DPP4: variants seen among roughly 807,000 people sequenced by gnomAD.
DPP4 encodes ADCP-2.
DPP4 carries 93 observed loss-of-function variants against 122.4 expected under a neutral mutation model. That is an observed-to-expected ratio of 0.76 (90% CI 0.64 to 0.90). The LOEUF is 0.90. Ranked by LOEUF, DPP4 falls within the 40% of genes least tolerant of loss-of-function variation. The pLI, the probability that DPP4 is intolerant of heterozygous loss-of-function variation, is 0.00. For missense variants in DPP4, 914 were observed against 907.3 expected, an observed-to-expected ratio of 1.01 and a Z score of -0.09; for synonymous variants, 321 against 302.9, an observed-to-expected ratio of 1.06 and a Z score of -0.62.
chr2:162,016,922 T>C (rs1682947133), intron 17 of DPP4, 56 bp from the exon 18 acceptor site: 2 of 1,532,136 alleles, frequency 1.3e-6, no homozygotes, highest in East Asian at 4.5e-5. Context: ...ATGTGGATTA[T>C]GTAGTGCAAT....
Position 162,035,181 on chromosome 2 carries a change from G to C in DPP4, c.757C>G (p.Arg253Gly). The change falls in exon 9 of 26, where the codon CGG becomes GGG. Residue 253 changes from arginine to glycine, a missense_variant. Transcript: ENST00000360534. ...DESLQYPKTV[R>G]VPYPKAGAVN... ...GCACAGACCTTTGGATATGGAACCC[G>C]TACAGTCTTTGGGTACTGCAGTGAC... is the stretch of plus-strand genomic sequence containing the variant. The C allele has an allele frequency of 6.2e-7, 1 of 1,613,534 alleles. No homozygotes were observed. The highest frequency in any genetic ancestry group is 1.1e-5 in the South Asian group (1 of 90,994).
Position 162,021,258 on chromosome 2 carries a change from GTTA to G in DPP4, c.1069-573_1069-571del, listed in dbSNP as rs556292894. Reference sequence around the variant, plus strand: ...TATTTCATATGAAAACATTCATATAGTTATTATTATAAGCCTTTTCATTTTGTT... The same window carrying G: ...TATTTCATATGAAAACATTCATATAGTTATTATAAGCCTTTTCATTTTGTT... On this transcript the variant is annotated intron_variant, in intron 12 of 25. Transcript: ENST00000360534. Among the ~76,000 whole-genome samples, 59 of 152,184 alleles carry G rather than the reference GTTA, an allele frequency of 3.9e-4. No individual in the cohort carries two copies. In the South Asian group the frequency reaches 4.6e-3, roughly 12 times the overall value.
Position 162,014,323 on chromosome 2 carries a change from T to C in DPP4, c.1637+73A>G. The C allele has an allele frequency of 3.1e-6, 4 of 1,282,806 alleles. No individual in the cohort carries two copies. In the East Asian group the frequency reaches 9.6e-5, roughly 31 times the overall value. The allele number at this position is 1,282,806 out of a possible 1,614,324, so 79.5% of individuals were successfully genotyped here. A position where few individuals can be genotyped will look rare whatever the true frequency, so the allele number is the denominator to read the frequency against. On this transcript the variant is annotated intron_variant, in intron 19 of 25. Coordinates refer to ENST00000360534, the MANE Select transcript of DPP4 (RefSeq NM_001935.4). The stretch of plus-strand genomic sequence containing the variant: ...GGAAAGGACGCATTTGGCTCCATTT[T>C]TCAGTAAGCTGCACTGAGAAAAATA...
intron 20 of DPP4, among the ~76,000 whole-genome samples, chr2:162,011,099 C>A (rs1682687621): frequency 6.6e-6 from 1 of 152,120 alleles, no homozygotes; most frequent in South Asian, 2.1e-4. Context: ...ACACCCACCT[C>A]TCGGGGCTTC....
chr2:162,034,490 G>GA (rs1303041978), intron 9 of DPP4, among the ~76,000 whole-genome samples: 2 of 151,890 alleles, frequency 1.3e-5, no homozygotes, highest in Non-Finnish European at 2.9e-5. Context: ...ATTTCTTACA[G>GA]AAAAAACACT....
intron 2 of DPP4, among the ~76,000 whole-genome samples, chr2:162,072,838 C>T (rs955130549): frequency 6.6e-6 from 1 of 152,162 alleles, no homozygotes; most frequent in Non-Finnish European, 1.5e-5. Flanking sequence ...TTTAGCTCTG[C>T]AATACTGCTA....
At chr2:162,049,329 G>T (rs1684299817) in intron 2 of DPP4, among the ~76,000 whole-genome samples, 1 of 152,166 alleles carries the variant, frequency 6.6e-6, no homozygotes, top group African/African-American at 2.4e-5. Context: ...CCTTTGCAGG[G>T]ACATGAATGA....
intron 10 of DPP4, among the ~76,000 whole-genome samples, chr2:162,033,229 A>G (rs1226895693): frequency 6.6e-6 from 1 of 151,992 alleles, no homozygotes; most frequent in African/African-American, 2.4e-5. Flanking sequence ...TCTTCACCAC[A>G]TTTATTGCTA....
At chr2:161,995,720 AT>A (rs1700984076) in intron 23 of DPP4, among the ~76,000 whole-genome samples, 1 of 152,216 alleles carries the variant, frequency 6.6e-6, no homozygotes, top group African/African-American at 2.4e-5. Flanking sequence ...TGTATGTTCC[AT>A]GGGCTTCTGC....
At chr2:162,059,039 A>C (rs1684669749) in intron 2 of DPP4, among the ~76,000 whole-genome samples, 1 of 152,252 alleles carries the variant, frequency 6.6e-6, no homozygotes, top group Non-Finnish European at 1.5e-5. Flanking sequence ...TGTATGTCTC[A>C]GTATTCAAGT....
At chr2:162,061,100 C>T (rs1559726208) in intron 2 of DPP4, among the ~76,000 whole-genome samples, 1 of 150,868 alleles carries the variant, frequency 6.6e-6, no homozygotes, top group South Asian at 2.1e-4. Flanking sequence ...TGCAATGGCA[C>T]TATCATGGCT....
chr2:162,047,062 A>G, intron 3 of DPP4, 56 bp from the exon 4 acceptor site: 1 of 965,966 alleles, frequency 1.0e-6, no homozygotes, highest in South Asian at 1.5e-5. Context: ...ACATCTTCAT[A>G]AGCTGAAAAT....
intron 2 of DPP4, among the ~76,000 whole-genome samples, chr2:162,050,960 C>A (rs1684362452): frequency 6.6e-6 from 1 of 152,180 alleles, no homozygotes; most frequent in Non-Finnish European, 1.5e-5. Context: ...GGGACATGTT[C>A]ATTTGACTTA....
chr2:162,060,117 C>A (rs984528210), intron 2 of DPP4, among the ~76,000 whole-genome samples: 1 of 152,188 alleles, frequency 6.6e-6, no homozygotes, highest in South Asian at 2.1e-4. Context: ...CTCTTCTAAA[C>A]CTCTCTAAAT....
Position 162,047,004 on chromosome 2 carries a change from G to T in DPP4, c.196C>A (p.His66Asn). 1 of 1,524,752 alleles carries T rather than the reference G, an allele frequency of 6.6e-7. No individual in the cohort carries two copies. The allele number at this position is 1,524,752 out of a possible 1,614,324, so 94.5% of individuals were successfully genotyped here. ...TTTTCTTGTTTGTAGAGATATTCATGATCTAAAGAGAGAAAACACCCAGAT... is the reference window on the plus strand; with the variant it reads ...TTTTCTTGTTTGTAGAGATATTCATTATCTAAAGAGAGAAAACACCCAGAT... Reference protein sequence around the residue: ...KLYSLRWISDHEYLYKQENNI... With the variant: ...KLYSLRWISDNEYLYKQENNI... Residue 66 changes from histidine to asparagine, a missense_variant and splice_region_variant, in exon 4 of 26, where the codon CAT becomes AAT. Transcript: ENST00000360534.
chr2:162,051,767 C>T (rs1684391112), intron 2 of DPP4, among the ~76,000 whole-genome samples: 1 of 152,218 alleles, frequency 6.6e-6, no homozygotes, highest in South Asian at 2.1e-4. Context: ...TATTCTCCAG[C>T]AGCACATGCA....
intron 1 of DPP4, 56 bp from the exon 2 acceptor site, chr2:162,073,542 G>T (rs1030144029): frequency 1.3e-6 from 2 of 1,566,840 alleles, no homozygotes; most frequent in East Asian, 2.2e-5. Context: ...CCCAGTTTCC[G>T]TAGGAGGGTC....
intron 10 of DPP4, among the ~76,000 whole-genome samples, chr2:162,029,591 G>A (rs1683466959): frequency 6.6e-6 from 1 of 152,224 alleles, no homozygotes; most frequent in South Asian, 2.1e-4. Context: ...TATATCCTGT[G>A]TGACAATCTG....
chr2:162,031,400 A>G (rs904338062), intron 10 of DPP4, among the ~76,000 whole-genome samples: 1 of 152,202 alleles, frequency 6.6e-6, no homozygotes, highest in African/African-American at 2.4e-5. Flanking sequence ...CACTTGAACA[A>G]AGGTTTCCAG....
Sources: gnomAD v4.1 joint callset for allele counts (sites outside exome capture counted in the v4.1 genomes callset) on GRCh38, gnomAD v4.1.1 for gene constraint, MANE v1.5 for transcripts, NCBI Gene and HGNC (gene_info 2026-07-23, HGNC 2026-07-21) for gene names.